The following TNIK variants were observed in gnomAD, a reference collection of about 807,000 sequenced individuals.
The protein encoded by TNIK is TRAF2 and NCK interacting kinase.
TNIK carries 49 observed loss-of-function variants against 191.3 expected under a neutral mutation model. The observed-to-expected ratio is 0.26, with a 90% CI of 0.20 to 0.32. The LOEUF is 0.32. Among genes scored for constraint, TNIK ranks in the 10% least tolerant of loss-of-function variants. TNIK has a pLI of 1.00. For synonymous variants in TNIK, 594 were observed against 600.9 expected, an observed-to-expected ratio of 0.99 and a Z score of 0.17; for missense variants, 1,155 against 1,702.3, an observed-to-expected ratio of 0.68 and a Z score of 5.66.
intron 2 of TNIK, among the ~76,000 whole-genome samples, chr3:171,248,780 T>G (rs951327833): frequency 4.6e-5 from 7 of 152,204 alleles, no homozygotes; most frequent in African/African-American, 1.4e-4. Flanking sequence ...ATTATACCAT[T>G]TTACAAGTGA....
chr3:171,376,090 G>T (rs1717176794), intron 1 of TNIK, among the ~76,000 whole-genome samples: 1 of 152,154 alleles, frequency 6.6e-6, no homozygotes, highest in Admixed American at 6.5e-5. Context: ...ATTTCTTTTA[G>T]AACCATATTT....
intron 28 of TNIK, among the ~76,000 whole-genome samples, chr3:171,073,608 A>G (rs540244415): frequency 1.2e-4 from 18 of 152,182 alleles, no homozygotes; most frequent in Non-Finnish European, 2.2e-4. Flanking sequence ...ATGGGAGAAA[A>G]TATTTGCAAA....
At chr3:171,267,157 C>A (rs1748498340) in intron 2 of TNIK, among the ~76,000 whole-genome samples, 1 of 152,108 alleles carries the variant, frequency 6.6e-6, no homozygotes, top group Admixed American at 6.6e-5. Flanking sequence ...ATCTAACCAT[C>A]TTAGGGTTAT....
At chr3:171,344,146 CCT>C (rs1553895375) in intron 2 of TNIK, among the ~76,000 whole-genome samples, 4 of 152,100 alleles carry the variant, frequency 2.6e-5, no homozygotes, top group East Asian at 1.9e-4. Context: ...ATATCTTGCC[CCT>C]GTTTGCATTT....
intron 4 of TNIK, among the ~76,000 whole-genome samples, chr3:171,207,639 T>A (rs970321367): frequency 2.7e-4 from 41 of 152,294 alleles, no homozygotes; most frequent in South Asian, 8.3e-4. Context: ...AGCTGGAGGA[T>A]AATAGCTATC....
At chr3:171,349,367 C>T (rs1712768522) in intron 2 of TNIK, among the ~76,000 whole-genome samples, 1 of 152,176 alleles carries the variant, frequency 6.6e-6, no homozygotes, top group African/African-American at 2.4e-5. Context: ...ATGAAACAAT[C>T]CTACAATAAC....
At chr3:171,191,060 A>T (rs1222290244) in intron 5 of TNIK, among the ~76,000 whole-genome samples, 1 of 152,230 alleles carries the variant, frequency 6.6e-6, no homozygotes, top group Non-Finnish European at 1.5e-5. Flanking sequence ...AGGGAACCAC[A>T]CAAGTAATTA....
intron 1 of TNIK, among the ~76,000 whole-genome samples, chr3:171,375,703 T>G (rs1452520009): frequency 6.6e-6 from 1 of 152,212 alleles, no homozygotes; most frequent in Non-Finnish European, 1.5e-5. Flanking sequence ...ACCACTGGGC[T>G]AAATCCCAAA....
chr3:171,347,678 T>C (rs1286977851), intron 2 of TNIK, among the ~76,000 whole-genome samples: 1 of 152,116 alleles, frequency 6.6e-6, no homozygotes, highest in Non-Finnish European at 1.5e-5. Context: ...GTATTTCGGT[T>C]TGAGTGGGGA....
At chr3:171,314,631 G>C (rs1157938192) in intron 2 of TNIK, among the ~76,000 whole-genome samples, 1 of 152,160 alleles carries the variant, frequency 6.6e-6, no homozygotes, top group Non-Finnish European at 1.5e-5. Context: ...TCAAGAGATA[G>C]TTCCTGCATG....
intron 15 of TNIK, among the ~76,000 whole-genome samples, chr3:171,132,806 TA>T (rs1272851384): frequency 6.6e-6 from 1 of 152,224 alleles, no homozygotes; most frequent in Non-Finnish European, 1.5e-5. Flanking sequence ...TTATAATATG[TA>T]GAGTCCACGG....
chr3:171,071,584 AC>A (rs938143677), intron 28 of TNIK, among the ~76,000 whole-genome samples: 81 of 152,210 alleles, frequency 5.3e-4, no homozygotes, highest in African/African-American at 1.9e-3. Context: ...ACTGCTTAGG[AC>A]TGTCTTTAAC....
rs1721514749 is a variant in TNIK at position 171,087,486 on chromosome 3, T to A, written c.2742A>T (p.Arg914=). ...AGCCATTGCTGTCACTGTGGCCAGA[T>A]CGCTTCTTCTCTCCAGACGTCTGAG... is the stretch of plus-strand genomic sequence containing the variant. ...MIRETSGEKK[R]SGHSDSNGFA... is the part of the protein sequence containing the mutation. Residue 914 remains arginine, a synonymous_variant, in exon 24 of 33, where the codon CGA becomes CGT. Coordinates refer to ENST00000436636, the MANE Select transcript of TNIK (RefSeq NM_015028.4). The A allele has an allele frequency of 6.2e-7, 1 of 1,613,766 alleles. No individual in the cohort carries two copies. The highest frequency in any genetic ancestry group is 8.5e-7 in the Non-Finnish European group (1 of 1,179,852).
intron 1 of TNIK, among the ~76,000 whole-genome samples, chr3:171,441,379 G>A (rs990891060): frequency 6.6e-6 from 1 of 152,174 alleles, no homozygotes; most frequent in South Asian, 2.1e-4. Context: ...GCATTTTCTA[G>A]ACATTTCATA....
chr3:171,245,227 G>T (rs1051565384), intron 2 of TNIK, among the ~76,000 whole-genome samples: 1 of 152,100 alleles, frequency 6.6e-6, no homozygotes, highest in African/African-American at 2.4e-5. Context: ...CTCAACTTAG[G>T]TAAGGATGTA....
At chr3:171,455,475 AAGCAGTCCTCCCAC>A (rs1560095892) in intron 1 of TNIK, among the ~76,000 whole-genome samples, 4 of 151,614 alleles carry the variant, frequency 2.6e-5, no homozygotes, top group African/African-American at 9.7e-5. Flanking sequence ...TCCTGGTTTC[AAGCAGTCCTCCCAC>A]TTCGGCCTCC....
intron 22 of TNIK, among the ~76,000 whole-genome samples, chr3:171,097,418 T>C (rs558997169): frequency 2.6e-5 from 4 of 152,198 alleles, no homozygotes; most frequent in African/African-American, 9.7e-5. Context: ...ATTAAGTAAA[T>C]GGGTGGTTGA....
At chr3:171,459,932 G>GC in intron 1 of TNIK, 75 bp downstream of exon 1, 1 of 606,146 alleles carries the variant, frequency 1.6e-6, no homozygotes. Context: ...CCCAGCCCCA[G>GC]CCCCCAGTCC....
intron 1 of TNIK, among the ~76,000 whole-genome samples, chr3:171,442,981 A>G (rs1407840212): frequency 6.6e-6 from 1 of 152,244 alleles, no homozygotes; most frequent in Non-Finnish European, 1.5e-5. Context: ...GAGAGAATAT[A>G]CATATTGTTC....
Sources: gnomAD v4.1 joint callset for allele counts (sites outside exome capture counted in the v4.1 genomes callset) on GRCh38, gnomAD v4.1.1 for gene constraint, MANE v1.5 for transcripts, NCBI Gene and HGNC (gene_info 2026-07-23, HGNC 2026-07-21) for gene names.